TENM4: variants seen among roughly 807,000 people sequenced by gnomAD.
TENM4 encodes the protein teneurin-4.
In TENM4, 82 loss-of-function variants were observed where a neutral mutation model predicts 243.3. The observed-to-expected ratio is 0.34, with a 90% CI of 0.28 to 0.40. The LOEUF (loss-of-function observed/expected upper bound fraction) is 0.40. Ranked by LOEUF, TENM4 falls within the 10% of genes least tolerant of loss-of-function variation. TENM4 has a pLI of 1.00. For synonymous variants in TENM4, 1,412 were observed against 1,456.3 expected, an observed-to-expected ratio of 0.97 and a Z score of 0.69; for missense variants, 3,138 against 3,673.3, an observed-to-expected ratio of 0.85 and a Z score of 3.77.
chr11:78,732,808 T>C (rs1258446117), intron 20 of TENM4, among the ~76,000 whole-genome samples: 1 of 152,168 alleles, frequency 6.6e-6, no homozygotes, highest in Non-Finnish European at 1.5e-5. Context: ...TTTGCTGAAA[T>C]GAACCACTGC....
At chr11:79,035,851 T>TCCTTCC (rs889703670) in intron 6 of TENM4, among the ~76,000 whole-genome samples, 3 of 152,146 alleles carry the variant, frequency 2.0e-5, no homozygotes, top group Admixed American at 6.5e-5. Context: ...TCCTTCCACC[T>TCCTTCC]CACCCATCCC....
chr11:78,770,374 G>A (rs192671355), intron 18 of TENM4, among the ~76,000 whole-genome samples: 8 of 152,312 alleles, frequency 5.3e-5, no homozygotes, highest in South Asian at 2.1e-4. Flanking sequence ...GATGCACAGG[G>A]AGTCAAAGCC....
In TENM4 at chr11:78,670,531, G is replaced by A. The variant is rs1858296863; in HGVS notation, c.5814C>T (p.His1938=). ...ACTCAAAGATATACTGCCTCTGGCT[G>A]TGTAGTAGCAGCACCATGGACTGGA... The part of the protein sequence containing the change: ...YLEKSMVLLL[H]SQRQYIFEFD... Residue 1938 remains histidine (H), a synonymous_variant, in exon 32 of 34, where the codon CAC becomes CAT. Transcript: ENST00000278550. 8 of 1,609,284 alleles carry A rather than the reference G, an allele frequency of 5.0e-6. No individual in the cohort carries two copies. The highest frequency in any genetic ancestry group is 6.8e-6 in the Non-Finnish European group (8 of 1,177,814).
intron 1 of TENM4, among the ~76,000 whole-genome samples, chr11:79,309,631 GC>G (rs1265201964): frequency 6.6e-6 from 1 of 152,188 alleles, no homozygotes; most frequent in Non-Finnish European, 1.5e-5. Flanking sequence ...GATAAGATAA[GC>G]AGGCAGAGAT....
At chr11:78,800,892 T>C (rs1464959362) in intron 15 of TENM4, among the ~76,000 whole-genome samples, 2 of 152,090 alleles carry the variant, frequency 1.3e-5, no homozygotes, top group Admixed American at 6.5e-5. Context: ...GGGATGCCAG[T>C]ATGTAATTTA....
chr11:79,204,069 G>A (rs1443916375), intron 3 of TENM4, among the ~76,000 whole-genome samples: 1 of 152,142 alleles, frequency 6.6e-6, no homozygotes, highest in Non-Finnish European at 1.5e-5. Context: ...CCTAGACCTG[G>A]CCAAAGCAGG....
chr11:79,423,828 T>A (rs1431722617), intron 1 of TENM4, among the ~76,000 whole-genome samples: 1 of 152,036 alleles, frequency 6.6e-6, no homozygotes, highest in Non-Finnish European at 1.5e-5. Flanking sequence ...GGAGGATGAA[T>A]AATAATAATC....
chr11:78,766,333 G>A (rs1021814718), intron 18 of TENM4, among the ~76,000 whole-genome samples: 1 of 152,182 alleles, frequency 6.6e-6, no homozygotes, highest in African/African-American at 2.4e-5. Context: ...GCATCTTTGG[G>A]GCATGGTGTC....
At position 78,854,096 on chromosome 11, in the gene TENM4, T is replaced by C; in HGVS notation, c.1681+8A>G. ...TCCCACAGCCCCCAGAGGGTGTGGC[T>C]CCCTTACCAATGGCAGTGGTGAGAA... On this transcript the variant is annotated splice_region_variant and intron_variant, in intron 12 of 33. Coordinates refer to ENST00000278550, the MANE Select transcript of TENM4 (RefSeq NM_001098816.3). 1 of 1,550,752 alleles carries C rather than the reference T, an allele frequency of 6.4e-7. No homozygotes were observed. The highest frequency in any genetic ancestry group is 8.7e-7 in the Non-Finnish European group (1 of 1,146,416).
At chr11:79,086,835 C>CA (rs371315703) in intron 4 of TENM4, among the ~76,000 whole-genome samples, 25,214 of 88,820 alleles carry the variant, frequency 0.28, 3,585 homozygotes, top group African/African-American at 0.32. Context: ...CTCTGTCTCG[C>CA]AAAAAAAAAA....
At chr11:79,364,867 T>G (rs1415027634) in intron 1 of TENM4, among the ~76,000 whole-genome samples, 1 of 152,220 alleles carries the variant, frequency 6.6e-6, no homozygotes, top group Non-Finnish European at 1.5e-5. Flanking sequence ...TAAATCTCTT[T>G]TCTCAAGTGC....
chr11:79,038,099 C>T (rs760614845), intron 6 of TENM4, among the ~76,000 whole-genome samples: 8 of 152,350 alleles, frequency 5.3e-5, no homozygotes, highest in Non-Finnish European at 7.3e-5. Flanking sequence ...AGACAACCAT[C>T]GCCTGAGACA....
chr11:79,228,598 T>C (rs1167507597), intron 2 of TENM4, among the ~76,000 whole-genome samples: 2 of 152,002 alleles, frequency 1.3e-5, no homozygotes, highest in Non-Finnish European at 2.9e-5. Context: ...TGAACGCATT[T>C]GTCAGGGGAG....
At chr11:79,021,168 T>C (rs554958762) in intron 6 of TENM4, among the ~76,000 whole-genome samples, 1 of 152,344 alleles carries the variant, frequency 6.6e-6, no homozygotes, top group Admixed American at 6.5e-5. Context: ...CTCTTTATTC[T>C]ACCCAGCCCT....
intron 3 of TENM4, among the ~76,000 whole-genome samples, chr11:79,215,491 C>T (rs929879453): frequency 2.0e-5 from 3 of 151,994 alleles, no homozygotes; most frequent in Admixed American, 1.3e-4. Context: ...GGTCCTAGAC[C>T]GACATGTGAC....
intron 26 of TENM4, among the ~76,000 whole-genome samples, chr11:78,709,364 GTTGAA>G (rs1490619180): frequency 6.6e-6 from 1 of 152,086 alleles, no homozygotes; most frequent in Non-Finnish European, 1.5e-5. Flanking sequence ...AGAGAATATT[GTTGAA>G]TTGAATTTCT....
chr11:78,997,794 C>G (rs889101758), intron 6 of TENM4, among the ~76,000 whole-genome samples: 1 of 152,150 alleles, frequency 6.6e-6, no homozygotes, highest in African/African-American at 2.4e-5. Flanking sequence ...CATGTTGAAG[C>G]CCTACCCATG....
In TENM4 at chr11:78,812,120, AC is replaced by A; in HGVS notation, c.1978+1del. The A allele has an allele frequency of 6.5e-7, 1 of 1,549,170 alleles. No individual in the cohort carries two copies. Among genetic ancestry groups the A allele is most frequent in the Non-Finnish European group, 8.7e-7 (1 of 1,145,716 alleles). On this transcript the variant is annotated splice_donor_variant, in intron 14 of 33. Coordinates refer to ENST00000278550, the MANE Select transcript of TENM4 (RefSeq NM_001098816.3). LOFTEE classifies it high-confidence loss of function. The stretch of plus-strand genomic sequence containing the variant: ...GCCGGAGCTGCCACCTGCAACTCTT[AC>A]CTTCCTCACAGCTCTCGCCCTTGTA...
chr11:78,762,531 GT>G (rs1856453059), intron 18 of TENM4, among the ~76,000 whole-genome samples: 1 of 152,206 alleles, frequency 6.6e-6, no homozygotes, highest in African/African-American at 2.4e-5. Flanking sequence ...ACTGTGGAAT[GT>G]CTTACTCCAT....
Sources: allele counts gnomAD v4.1 joint callset (sites outside exome capture counted in the v4.1 genomes callset), GRCh38; gene constraint gnomAD v4.1.1; transcripts MANE v1.5; gene names NCBI Gene and HGNC (gene_info 2026-07-23, HGNC 2026-07-21).